The following ZNF385D variants were observed in gnomAD, a reference collection of about 807,000 sequenced individuals.
ZNF385D encodes zinc finger protein 659.
ZNF385D carries 15 observed loss-of-function variants against 35.8 expected under a neutral mutation model. The observed-to-expected ratio is 0.42, with a 90% CI of 0.28 to 0.64. ZNF385D has a LOEUF of 0.64. Ranked by LOEUF, ZNF385D falls within the 30% of genes least tolerant of loss-of-function variation. The probability of loss-of-function intolerance (pLI) is 0.23; values close to 1 mark genes in which losing one functional copy is unlikely to be tolerated. For synonymous variants in ZNF385D, 212 were observed against 186.8 expected (o/e 1.13, Z -1.10); for missense variants, 474 against 494.6 (o/e 0.96, Z 0.39).
chr3:21,534,690 T>G (rs1025741348), intron 3 of ZNF385D, among the ~76,000 whole-genome samples: 21 of 152,132 alleles, frequency 1.4e-4, no homozygotes, highest in Admixed American at 7.2e-4. Flanking sequence ...CAGCAGCTGT[T>G]GGAAAGAAAT....
intron 3 of ZNF385D, among the ~76,000 whole-genome samples, chr3:21,950,670 A>T (rs1295775740): frequency 6.6e-6 from 1 of 151,628 alleles, no homozygotes; most frequent in Non-Finnish European, 1.5e-5. Flanking sequence ...TAGGGTTTTT[A>T]TGGTTTTAGG....
chr3:21,584,287 C>T (rs1201477489), intron 2 of ZNF385D, among the ~76,000 whole-genome samples: 2 of 152,188 alleles, frequency 1.3e-5, no homozygotes, highest in Non-Finnish European at 1.5e-5. Context: ...CCCATTTACA[C>T]GTTTAAATGT....
chr3:21,616,498 T>G (rs1334719411), intron 2 of ZNF385D, among the ~76,000 whole-genome samples: 2 of 152,206 alleles, frequency 1.3e-5, no homozygotes, highest in African/African-American at 4.8e-5. Flanking sequence ...TCTACTATTA[T>G]GCTAAGTAAC....
intron 2 of ZNF385D, among the ~76,000 whole-genome samples, chr3:21,582,092 C>T (rs1015665967): frequency 2.6e-5 from 4 of 152,022 alleles, no homozygotes; most frequent in African/African-American, 9.7e-5. Flanking sequence ...GAGGAAAAAC[C>T]AGGATAAATG....
At chr3:21,602,681 C>T (rs908843652) in intron 2 of ZNF385D, among the ~76,000 whole-genome samples, 5 of 149,584 alleles carry the variant, frequency 3.3e-5, no homozygotes, top group South Asian at 2.1e-4. Context: ...TACAGGCGCC[C>T]GCCACCGCGC....
intron 2 of ZNF385D, among the ~76,000 whole-genome samples, chr3:22,219,876 A>G (rs1698147637): frequency 6.6e-6 from 1 of 152,104 alleles, no homozygotes; most frequent in Non-Finnish European, 1.5e-5. Flanking sequence ...GGAATTGTAG[A>G]TAAACAATTA....
At chr3:22,292,052 T>C (rs1363097116) in intron 2 of ZNF385D, among the ~76,000 whole-genome samples, 2 of 152,012 alleles carry the variant, frequency 1.3e-5, no homozygotes, top group African/African-American at 2.4e-5. Context: ...CCCTTCTTCT[T>C]TGACTTTTCA....
chr3:22,223,725 T>C (rs938965992), intron 2 of ZNF385D, among the ~76,000 whole-genome samples: 2 of 152,152 alleles, frequency 1.3e-5, no homozygotes, highest in African/African-American at 4.8e-5. Context: ...TCCAACAACG[T>C]GTCAAGAGAA....
intron 2 of ZNF385D, among the ~76,000 whole-genome samples, chr3:22,249,909 G>A (rs1439060517): frequency 1.3e-5 from 2 of 152,084 alleles, no homozygotes; most frequent in East Asian, 3.9e-4. Context: ...GAGCTACAAG[G>A]ATATTGATCA....
intron 3 of ZNF385D, among the ~76,000 whole-genome samples, chr3:21,957,937 C>T (rs908211267): frequency 2.6e-5 from 4 of 152,052 alleles, no homozygotes; most frequent in Non-Finnish European, 5.9e-5. Context: ...CTAATGTTGT[C>T]ATTCAGAAAA....
intron 2 of ZNF385D, among the ~76,000 whole-genome samples, chr3:21,607,480 T>A (rs17009135): frequency 1.3e-5 from 2 of 150,730 alleles, no homozygotes; most frequent in South Asian, 4.1e-4. Context: ...TACTGCTCTA[T>A]CATTATCATT....
intron 2 of ZNF385D, among the ~76,000 whole-genome samples, chr3:22,175,810 T>C (rs1192035241): frequency 6.6e-6 from 1 of 150,816 alleles, no homozygotes; most frequent in Non-Finnish European, 1.5e-5. Context: ...GGAATACATA[T>C]ATATATAAAT....
intron 3 of ZNF385D, among the ~76,000 whole-genome samples, chr3:21,959,762 C>T (rs1230172447): frequency 5.3e-5 from 8 of 152,110 alleles, no homozygotes; most frequent in Admixed American, 5.2e-4. Context: ...TTTAACTGCT[C>T]CCCTCACTCC....
At chr3:21,833,166 G>A (rs1411809094) in intron 3 of ZNF385D, among the ~76,000 whole-genome samples, 1 of 152,076 alleles carries the variant, frequency 6.6e-6, no homozygotes, top group East Asian at 1.9e-4. Flanking sequence ...ATCAAGAAAG[G>A]CAAGAATCCT....
rs1694414128 is a variant in ZNF385D at position 21,981,048 on chromosome 3, G to T, written c.325+187769C>A. On this transcript the variant is annotated intron_variant, in intron 3 of 5. Coordinates refer to the ZNF385D transcript ENST00000494108. ...AACATTCACGTGCATGTGTCTTTAT[G>T]GTAGAATAATTTCTAGTCCTCTGGG... Among the ~76,000 whole-genome samples, 7 of 152,034 alleles carry T rather than the reference G, an allele frequency of 4.6e-5. No individual in the cohort carries two copies. The South Asian group carries it at 1.5e-3, about 32-fold the overall frequency.
chr3:21,837,214 C>A (rs1575748948), intron 3 of ZNF385D, among the ~76,000 whole-genome samples: 2 of 152,194 alleles, frequency 1.3e-5, no homozygotes, highest in Admixed American at 1.3e-4. Context: ...TCTATTCTAG[C>A]AGTTGAAAGC....
intron 3 of ZNF385D, among the ~76,000 whole-genome samples, chr3:21,850,883 A>G (rs546083656): frequency 3.9e-5 from 6 of 152,146 alleles, no homozygotes; most frequent in Non-Finnish European, 8.8e-5. Context: ...ATTGCCTGCC[A>G]AAACAAAACT....
chr3:21,827,951 T>C (rs555516098), intron 3 of ZNF385D, among the ~76,000 whole-genome samples: 17 of 152,308 alleles, frequency 1.1e-4, no homozygotes, highest in Middle Eastern at 3.4e-3. Flanking sequence ...ACTAGGAATC[T>C]ACCTGGATAA....
At position 21,568,548 on chromosome 3, in the gene ZNF385D, A is replaced by G. The variant is rs116206034; in HGVS notation, c.166-3864T>C. 4.2e-3 allele frequency among the ~76,000 whole-genome samples: 639 copies of G among 152,286 alleles called. 5 individuals carry two copies. Among genetic ancestry groups the G allele is most frequent in the African/African-American group, 0.015 (607 of 41,570 alleles). On this transcript the variant is annotated intron_variant, in intron 2 of 7. Coordinates refer to ENST00000281523, the MANE Select transcript of ZNF385D (RefSeq NM_024697.3). ...ACAAAATCTGCCTCACACAATGCCAATATTTGTGGTAGGCAGGAAAAAAAG... is the reference window on the plus strand; with the variant it reads ...ACAAAATCTGCCTCACACAATGCCAGTATTTGTGGTAGGCAGGAAAAAAAG...
Sources: gnomAD v4.1 joint callset for allele counts (sites outside exome capture counted in the v4.1 genomes callset) on GRCh38, gnomAD v4.1.1 for gene constraint, MANE v1.5 for transcripts, NCBI Gene and HGNC (gene_info 2026-07-23, HGNC 2026-07-21) for gene names.